DAGLB: variants seen among roughly 807,000 people sequenced by gnomAD.
DAGLB encodes the protein diacylglycerol lipase beta, also known as diacylglycerol lipase-beta.
In DAGLB, 66 loss-of-function variants were observed where a neutral mutation model predicts 72.1. That is an observed-to-expected ratio of 0.92 (90% CI 0.75 to 1.12). The LOEUF is 1.12. Among genes scored for constraint, DAGLB ranks in the 50% most tolerant of loss-of-function variants. The pLI, the probability that DAGLB is intolerant of heterozygous loss-of-function variation, is 0.00. For synonymous variants in DAGLB, 414 were observed against 359.5 expected, an observed-to-expected ratio of 1.15 and a Z score of -1.71; for missense variants, 1,065 against 884.9, an observed-to-expected ratio of 1.20 and a Z score of -2.58.
chr7:6,424,048 G>A (rs1481486133), intron 8 of DAGLB, among the ~76,000 whole-genome samples: 2 of 149,614 alleles, frequency 1.3e-5, no homozygotes, highest in Admixed American at 1.4e-4. Flanking sequence ...GGCTACCCCA[G>A]AGCCAGTCAG....
intron 2 of DAGLB, among the ~76,000 whole-genome samples, chr7:6,438,805 C>A (rs1056355107): frequency 1.3e-5 from 2 of 151,922 alleles, no homozygotes; most frequent in African/African-American, 4.8e-5. Context: ...CCCAGGAGTT[C>A]GAGACCACGC....
intron 2 of DAGLB, among the ~76,000 whole-genome samples, chr7:6,442,321 T>G (rs567685644): frequency 6.6e-6 from 1 of 152,144 alleles, no homozygotes; most frequent in South Asian, 2.1e-4. Flanking sequence ...TGACCACAAG[T>G]ACATGATGAT....
intron 2 of DAGLB, among the ~76,000 whole-genome samples, chr7:6,441,222 C>T (rs547579781): frequency 6.8e-6 from 1 of 146,940 alleles, no homozygotes; most frequent in African/African-American, 2.5e-5. Flanking sequence ...TCCCAAGTAG[C>T]TGGGACTACA....
At chr7:6,443,047 G>C (rs1262908006) in intron 2 of DAGLB, among the ~76,000 whole-genome samples, 2 of 150,712 alleles carry the variant, frequency 1.3e-5, no homozygotes, top group African/African-American at 4.9e-5. Context: ...GCCAGGCACG[G>C]TGGCGGGCGC....
intron 7 of DAGLB, among the ~76,000 whole-genome samples, 161 bp from the exon 8 acceptor site, chr7:6,424,996 C>A (rs537870903): frequency 2.6e-5 from 4 of 152,366 alleles, no homozygotes; most frequent in African/African-American, 9.6e-5. Flanking sequence ...GTGGGACCCA[C>A]TCTGGCAGGG....
intron 2 of DAGLB, 173 bp downstream of exon 2, chr7:6,445,780 C>T (rs1054205874): frequency 1.4e-6 from 1 of 705,064 alleles, no homozygotes; most frequent in Non-Finnish European, 2.2e-6. Context: ...GGATTTCTTT[C>T]AGGAGTGAAG....
At chr7:6,447,631 C>G (rs1478701185) in intron 1 of DAGLB, 117 bp downstream of exon 1, 15 of 1,384,566 alleles carry the variant, frequency 1.1e-5, no homozygotes, top group Non-Finnish European at 1.2e-5. Context: ...GGATGCGTGG[C>G]CAGCGCTGGG....
chr7:6,433,584 A>G (rs1583296498), intron 4 of DAGLB, among the ~76,000 whole-genome samples: 1 of 152,198 alleles, frequency 6.6e-6, no homozygotes, highest in African/African-American at 2.4e-5. Flanking sequence ...TCACGCCTGT[A>G]ATCCCAGCAC....
At chr7:6,411,009 A>T (rs552980657) in intron 13 of DAGLB, among the ~76,000 whole-genome samples, 79 of 149,194 alleles carry the variant, frequency 5.3e-4, no homozygotes, top group African/African-American at 2.0e-3. Flanking sequence ...CTCAGCCACC[A>T]GAGTAGCTGG....
At chr7:6,415,936 C>T (rs562860630) in intron 11 of DAGLB, among the ~76,000 whole-genome samples, 6 of 152,118 alleles carry the variant, frequency 3.9e-5, no homozygotes, top group South Asian at 2.1e-4. Context: ...ATATGCCCCC[C>T]GAGAGGGCGG....
chr7:6,429,703 C>A (rs1200951059), intron 6 of DAGLB, among the ~76,000 whole-genome samples: 8 of 151,944 alleles, frequency 5.3e-5, no homozygotes, highest in Non-Finnish European at 8.8e-5. Flanking sequence ...GAGTTCCAGA[C>A]CAGCCTGGCC....
intron 13 of DAGLB, chr7:6,412,483 A>T: frequency 3.9e-6 from 1 of 257,656 alleles, no homozygotes. Flanking sequence ...TTTTTAGAAT[A>T]GAGACAGGGT....
rs144841083 is a variant in DAGLB, at chr7:6,445,987, A to G, written c.213T>C (p.Cys71=). Residue 71 remains cysteine, a synonymous_variant, in exon 2 of 15, where the codon TGT becomes TGC. Transcript: ENST00000297056. ...TGACACACATGATGGCTGACACAGTACATATGACAACTGCCAGGAGAATCA... is the reference window on the plus strand; with the variant it reads ...TGACACACATGATGGCTGACACAGTGCATATGACAACTGCCAGGAGAATCA... ...VLMILLAVVI[C]TVSAIMCVSM... The G allele has an allele frequency of 4.8e-5, 77 of 1,613,384 alleles. No individual in the cohort carries two copies. The highest frequency in any genetic ancestry group is 6.3e-5 in the Non-Finnish European group (74 of 1,179,780).
At position 6,426,039 on chromosome 7, in the gene DAGLB, G is replaced by A. The variant is rs1268207865; in HGVS notation, c.1005C>T (p.His335=). 1.9e-6 allele frequency: 3 copies of A among 1,614,048 alleles called. No individual in the cohort carries two copies. Among genetic ancestry groups the A allele is most frequent in the Non-Finnish European group, 2.5e-6 (3 of 1,180,032 alleles). ...AGTCCCTGTACTGCAGCCCTGTGGT[G>A]TGCAGGATGGAGCCGAAGTGACAGT... ...QLNCHFGSIL[H]TTGLQYRDFI... The change falls in exon 7 of 15, where the codon CAC becomes CAT. Residue 335 remains histidine (H), a synonymous_variant. Coordinates refer to ENST00000297056, the MANE Select transcript of DAGLB (RefSeq NM_139179.4).
chr7:6,439,270 G>GA (rs60313792), intron 2 of DAGLB, among the ~76,000 whole-genome samples: 4,940 of 130,034 alleles, frequency 0.038, 92 homozygotes, highest in African/African-American at 0.054. Flanking sequence ...GAAAAAAAAA[G>GA]AAAAAAAAAA....
chr7:6,430,250 C>CAAATATATATATATATAT, intron 6 of DAGLB, among the ~76,000 whole-genome samples: 2 of 45,738 alleles, frequency 4.4e-5, no homozygotes, highest in Non-Finnish European at 7.5e-5. Context: ...AATACATGTG[C>CAAATATATATATATATAT]ATATATATAT....
chr7:6,425,500 G>A (rs1327908750), intron 7 of DAGLB, among the ~76,000 whole-genome samples: 2 of 152,076 alleles, frequency 1.3e-5, no homozygotes, highest in African/African-American at 2.4e-5. Context: ...TCGAACTCCT[G>A]ACCTTATGAT....
intron 2 of DAGLB, among the ~76,000 whole-genome samples, chr7:6,443,249 TAAAAAAAAAAAA>T (rs60124255): frequency 1.3e-5 from 1 of 78,158 alleles, no homozygotes; most frequent in South Asian, 4.3e-4. Context: ...TTGTCTCTAC[TAAAAAAAAAAAA>T]AAAAAAAAAA....
At chr7:6,438,911 C>T (rs188841742) in intron 2 of DAGLB, among the ~76,000 whole-genome samples, 5 of 152,048 alleles carry the variant, frequency 3.3e-5, no homozygotes, top group Admixed American at 2.0e-4. Flanking sequence ...CTCCTTTACA[C>T]GGTTTTGCCT....
Sources: gnomAD v4.1 joint callset for allele counts (sites outside exome capture counted in the v4.1 genomes callset) on GRCh38, gnomAD v4.1.1 for gene constraint, MANE v1.5 for transcripts, NCBI Gene and HGNC (gene_info 2026-07-23, HGNC 2026-07-21) for gene names.